The following OR1J2 variants were observed in gnomAD, a reference collection of about 807,000 sequenced individuals.
The protein encoded by OR1J2 is olfactory receptor family 1 subfamily J member 2.
For synonymous variants in OR1J2, 142 were observed against 99.7 expected (o/e 1.42, Z -2.52); for missense variants, 304 against 246.1 (o/e 1.24, Z -1.57).
At chr9:122,464,329 C>G in the OR1J2 span, among the ~76,000 whole-genome samples, 1 of 152,194 alleles carries the variant, frequency 6.6e-6, no homozygotes, top group Admixed American at 6.5e-5. Context: ...CCAGCAGCAG[C>G]GAGTTTATTT....
the OR1J2 span, among the ~76,000 whole-genome samples, chr9:122,451,527 A>G: frequency 6.6e-6 from 1 of 152,142 alleles, no homozygotes; most frequent in South Asian, 2.1e-4. Context: ...GTTGAGCTGC[A>G]TATGTCACTT....
chr9:122,469,001 A>AGAT, the OR1J2 span, among the ~76,000 whole-genome samples: 1 of 152,336 alleles, frequency 6.6e-6, no homozygotes, highest in Admixed American at 6.5e-5. Context: ...CCTGGTTTAC[A>AGAT]GATGGCTCAC....
the OR1J2 span, chr9:122,520,008 T>C: frequency 1.9e-6 from 3 of 1,614,198 alleles, no homozygotes; most frequent in South Asian, 3.3e-5. Flanking sequence ...TCCCTTCATT[T>C]ATAGCCTAAG....
At chr9:122,567,486 C>A in the OR1J2 span, 2 of 1,253,378 alleles carry the variant, frequency 1.6e-6, no homozygotes, top group South Asian at 2.9e-5. Context: ...TCACCAGAAA[C>A]CAGTAGAAAA....
At chr9:122,513,470 C>T (rs1828663628), downstream of OR1J2, among the ~76,000 whole-genome samples, 2 of 152,080 alleles carry the variant, frequency 1.3e-5, no homozygotes, top group Admixed American at 1.3e-4. Flanking sequence ...GGCATTGTTG[C>T]CTGTGTTTCC....
chr9:122,515,233 G>A (rs984173630), downstream of OR1J2, among the ~76,000 whole-genome samples: 9 of 151,990 alleles, frequency 5.9e-5, no homozygotes, highest in Non-Finnish European at 1.2e-4. Context: ...CACAGAATTC[G>A]GAGGCTAACT....
the OR1J2 span, among the ~76,000 whole-genome samples, chr9:122,572,398 G>C: frequency 6.6e-6 from 1 of 152,196 alleles, no homozygotes; most frequent in Non-Finnish European, 1.5e-5. Flanking sequence ...AAATAGTGGA[G>C]ATTTGGGTTA....
chr9:122,519,235 T>C, the OR1J2 span: 1 of 1,614,090 alleles, frequency 6.2e-7, no homozygotes, highest in Non-Finnish European at 8.5e-7. Flanking sequence ...ACCCTGTTCT[T>C]GGGCATGTAC....
the OR1J2 span, among the ~76,000 whole-genome samples, chr9:122,523,695 T>C: frequency 3.3e-5 from 5 of 152,228 alleles, no homozygotes; most frequent in Non-Finnish European, 5.9e-5. Context: ...TGGACTGATA[T>C]TTAAGAACAA....
the OR1J2 span, among the ~76,000 whole-genome samples, chr9:122,529,059 G>T: frequency 6.6e-5 from 10 of 152,190 alleles, no homozygotes; most frequent in Admixed American, 6.5e-5. Context: ...GAAGTGGATA[G>T]CAACATCTGA....
chr9:122,550,184 C>A, the OR1J2 span, among the ~76,000 whole-genome samples: 1 of 152,050 alleles, frequency 6.6e-6, no homozygotes, highest in Non-Finnish European at 1.5e-5. Flanking sequence ...AATATAAAAT[C>A]TCCGAAGATT....
chr9:122,541,363 AG>A, the OR1J2 span, among the ~76,000 whole-genome samples: 1 of 152,182 alleles, frequency 6.6e-6, no homozygotes, highest in African/African-American at 2.4e-5. Context: ...TCGACTTGAG[AG>A]TGAAAGGGAA....
chr9:122,500,764 G>C, the OR1J2 span, among the ~76,000 whole-genome samples: 118 of 152,210 alleles, frequency 7.8e-4, no homozygotes, highest in African/African-American at 2.7e-3. Flanking sequence ...AACAAAATAG[G>C]AGTCACTGAA....
the OR1J2 span, among the ~76,000 whole-genome samples, chr9:122,575,971 A>G: frequency 6.6e-6 from 1 of 152,048 alleles, no homozygotes; most frequent in Non-Finnish European, 1.5e-5. Context: ...TCACATATAC[A>G]TGAGAGTGTG....
chr9:122,470,038 T>C, the OR1J2 span, among the ~76,000 whole-genome samples: 1 of 152,120 alleles, frequency 6.6e-6, no homozygotes, highest in South Asian at 2.1e-4. Flanking sequence ...GGATAGAAAA[T>C]CTTATTTTCT....
chr9:122,557,493 T>A, the OR1J2 span, among the ~76,000 whole-genome samples: 2 of 152,096 alleles, frequency 1.3e-5, no homozygotes, highest in African/African-American at 4.8e-5. Context: ...AGTCTATTGA[T>A]GTGATCAACT....
the OR1J2 span, chr9:122,526,737 GAC>G: frequency 6.2e-7 from 1 of 1,614,128 alleles, no homozygotes; most frequent in Admixed American, 1.7e-5. Flanking sequence ...GTCAGAACAT[GAC>G]AGCTTCAGGA....
At chr9:122,540,096 C>T in the OR1J2 span, among the ~76,000 whole-genome samples, 2 of 151,918 alleles carry the variant, frequency 1.3e-5, 1 homozygote, top group South Asian at 4.2e-4. Context: ...GTTTCTTTTG[C>T]TGTGCAGAAA....
the OR1J2 span, among the ~76,000 whole-genome samples, chr9:122,485,111 C>T: frequency 6.6e-6 from 1 of 151,994 alleles, no homozygotes; most frequent in African/African-American, 2.4e-5. Context: ...CCTACCAGTC[C>T]TGGTTCCTCT....
Sources: allele counts gnomAD v4.1 joint callset (sites outside exome capture counted in the v4.1 genomes callset), GRCh38; gene constraint gnomAD v4.1.1; transcripts MANE v1.5; gene names NCBI Gene and HGNC (gene_info 2026-07-23, HGNC 2026-07-21).